CD209: variants seen among roughly 807,000 people sequenced by gnomAD.
The protein encoded by CD209 is CD209 antigen.
In CD209, 31 loss-of-function variants were observed where a neutral mutation model predicts 44.7. The observed-to-expected ratio is 0.69, with a 90% CI of 0.52 to 0.94. CD209 has a LOEUF of 0.94. Ranked by LOEUF, CD209 falls within the 40% of genes least tolerant of loss-of-function variation. The probability of loss-of-function intolerance (pLI) is 0.00; values close to 1 mark genes in which losing one functional copy is unlikely to be tolerated. For synonymous variants in CD209, 173 were observed against 181.3 expected (o/e 0.95, Z 0.37); for missense variants, 407 against 452.4 (o/e 0.90, Z 0.91).
Position 7,741,191 on chromosome 19 carries a change from A to G in CD209, c.*1848T>C, listed in dbSNP as rs11465411. 40,130 of 863,344 alleles carry G rather than the reference A, an allele frequency of 0.046. 1,624 individuals carry two copies. The highest frequency in any genetic ancestry group is 0.16 in the African/African-American group (9,343 of 59,046). 53.5% of individuals were successfully genotyped at this position (863,344 alleles called of 1,614,324 possible). On this transcript the variant is annotated 3_prime_UTR_variant, in exon 7 of 7. Coordinates refer to ENST00000315599, the MANE Select transcript of CD209 (RefSeq NM_021155.4). The stretch of plus-strand genomic sequence containing the variant: ...CCCGAGTTCAAGAACGTGGGGAGAG[A>G]CTGGGCGCGGTGGCTCAGGCCTGTA...
rs1568511246 is a variant in CD209, at chr19:7,744,230, C to CA, written c.901-12dup. 1 of 1,567,522 alleles carries CA rather than the reference C, an allele frequency of 6.4e-7. No individual in the cohort carries two copies. Among genetic ancestry groups the CA allele is most frequent in the South Asian group, 1.1e-5 (1 of 89,984 alleles). ...CAGCTGTAGGAAGTTCTGGAGGGTACAGGAGGAGTCAGGAGGGAGCTCTGC... is the reference window on the plus strand; with the variant it reads ...CAGCTGTAGGAAGTTCTGGAGGGTACAAGGAGGAGTCAGGAGGGAGCTCTGC... On this transcript the variant is annotated splice_polypyrimidine_tract_variant and intron_variant, in intron 5 of 6. Coordinates refer to ENST00000315599, the MANE Select transcript of CD209 (RefSeq NM_021155.4).
In CD209 at chr19:7,745,973, T is replaced by C. The variant is rs760895698; in HGVS notation, c.293A>G (p.Gln98Arg). 1.9e-6 allele frequency: 3 copies of C among 1,614,246 alleles called. No individual in the cohort carries two copies. In the South Asian group the frequency reaches 3.3e-5, roughly 18 times the overall value. The change falls in exon 4 of 7, where the codon CAG becomes CGG. Residue 98 changes from glutamine to arginine, a missense_variant. Gln to Arg is a conservative substitution (Grantham distance 43). This residue lies in a region of CD209 where 122 missense variants were observed against 110.3 expected (regional missense o/e 1.11). Coordinates refer to ENST00000315599, the MANE Select transcript of CD209 (RefSeq NM_021155.4). ...VGELSEKSKL[Q>R]EIYQELTQLK... ...CTGGGTCAGCTCCTGGTAGATCTCC[T>C]GCAGCTTGGATTTCTCTGAGAGCTC...
Position 7,743,148 on chromosome 19 carries a change from C to T in CD209, c.1106G>A (p.Cys369Tyr). Residue 369 changes from cysteine (C) to tyrosine (Y), a missense_variant, in exon 7 of 7, where the codon TGT becomes TAT. Cys to Tyr is a radical substitution (Grantham distance 194). Coordinates refer to ENST00000315599, the MANE Select transcript of CD209 (RefSeq NM_021155.4). Reference protein sequence around the residue: ...FSGNGWNDDKCNLAKFWICKK... With the variant: ...FSGNGWNDDKYNLAKFWICKK... ...GCAGATCCAGAATTTGGCAAGATTA[C>T]ATTTGTCGTCGTTCCAGCCATTGCC... The T allele has an allele frequency of 1.2e-6, 2 of 1,614,174 alleles. No homozygotes were observed. The highest frequency in any genetic ancestry group is 1.7e-6 in the Non-Finnish European group (2 of 1,180,018).
At position 7,746,533 on chromosome 19, in the gene CD209, TGA is replaced by T. The variant is rs762749338; in HGVS notation, c.107-4_107-3del. ...CCAGGGGACCATGGCCAAGACACCCTGAGAGAGGATACATGCGTCAGCCTGCC... is the reference window on the plus strand; with the variant it reads ...CCAGGGGACCATGGCCAAGACACCCTGAGAGGATACATGCGTCAGCCTGCC... On this transcript the variant is annotated splice_polypyrimidine_tract_variant and splice_region_variant and intron_variant, in intron 2 of 6. Transcript: ENST00000315599. 1.2e-6 allele frequency: 2 copies of T among 1,613,436 alleles called. No individual in the cohort carries two copies. Among genetic ancestry groups the T allele is most frequent in the South Asian group, 1.1e-5 (1 of 91,086 alleles).
At chr19:7,747,157 C>A in intron 2 of CD209, 149 bp downstream of exon 2, 1 of 806,388 alleles carries the variant, frequency 1.2e-6, no homozygotes. Context: ...ATTCAGGCCC[C>A]AAACTCAACC....
rs535097059 is a variant in CD209 at position 7,740,989 on chromosome 19, G to C, written c.*2050C>G. Reference sequence around the variant, plus strand: ...CAGTAAAACAGGAGCTTGCAGATTTGGAGATAGATGTTCACATGATTTCCC... The same window carrying C: ...CAGTAAAACAGGAGCTTGCAGATTTCGAGATAGATGTTCACATGATTTCCC... On this transcript the variant is annotated 3_prime_UTR_variant, in exon 7 of 7. Transcript: ENST00000315599. The C allele has an allele frequency of 2.8e-6, 2 of 708,980 alleles. No homozygotes were observed. Among genetic ancestry groups the C allele is most frequent in the South Asian group, 3.1e-5 (2 of 63,496 alleles). 43.9% of individuals were successfully genotyped at this position (708,980 alleles called of 1,614,324 possible).
intron 2 of CD209, 125 bp from the exon 3 acceptor site, chr19:7,746,656 A>G: frequency 1.1e-6 from 1 of 883,948 alleles, no homozygotes; most frequent in South Asian, 1.5e-5. Context: ...CTCCACTCCA[A>G]CACCTGGGAA....
intron 2 of CD209, 119 bp downstream of exon 2, chr19:7,747,187 C>A: frequency 9.6e-7 from 1 of 1,041,112 alleles, no homozygotes; most frequent in South Asian, 1.4e-5. Flanking sequence ...CCCAGGAGTC[C>A]AGGCCCCTAG....
intron 4 of CD209, 24 bp from the exon 5 acceptor site, chr19:7,745,116 C>G (rs770455259): frequency 3.7e-6 from 6 of 1,613,732 alleles, no homozygotes; most frequent in Non-Finnish European, 8.5e-7. Flanking sequence ...CTGGTCAGGG[C>G]TGGGCTTAGA....
In CD209 at chr19:7,741,501, T is replaced by A. The variant is rs1240242246; in HGVS notation, c.*1538A>T. The A allele has an allele frequency of 1.8e-6, 1 of 550,504 alleles. No homozygotes were observed. The highest frequency in any genetic ancestry group is 1.5e-5 in the South Asian group (1 of 65,386). The allele number at this position is 550,504 out of a possible 1,614,324, so 34.1% of individuals were successfully genotyped here. On this transcript the variant is annotated 3_prime_UTR_variant, in exon 7 of 7. Coordinates refer to ENST00000315599, the MANE Select transcript of CD209 (RefSeq NM_021155.4). Reference sequence around the variant, plus strand: ...GCAAGACCCCATCTTTAAAAAAAAATAGTAATTAAAAAATAACGTGGGGAG... The same window carrying A: ...GCAAGACCCCATCTTTAAAAAAAAAAAGTAATTAAAAAATAACGTGGGGAG...
intron 3 of CD209, 109 bp downstream of exon 3, chr19:7,746,351 A>T: frequency 7.9e-7 from 1 of 1,273,500 alleles, no homozygotes; most frequent in South Asian, 1.3e-5. Context: ...CCCAGGGACA[A>T]CATCTTGGCT....
At chr19:7,744,349 C>A in intron 5 of CD209, 130 bp from the exon 6 acceptor site, 1 of 673,946 alleles carries the variant, frequency 1.5e-6, no homozygotes, top group East Asian at 2.7e-5. Context: ...GTCCTGAGCC[C>A]CCTCGTGTCT....
chr19:7,746,606 C>G, intron 2 of CD209, 75 bp from the exon 3 acceptor site: 2 of 1,469,306 alleles, frequency 1.4e-6, no homozygotes, highest in Non-Finnish European at 1.9e-6. Context: ...GGTCTAAATC[C>G]CTCAGCACCC....
chr19:7,746,313 G>A (rs530561741), intron 3 of CD209, 147 bp downstream of exon 3: 5 of 1,058,850 alleles, frequency 4.7e-6, no homozygotes, highest in African/African-American at 1.6e-5. Context: ...AGAGTGGGGA[G>A]GGGCTGTGGG....
At chr19:7,746,170 T>C in intron 3 of CD209, 83 bp from the exon 4 acceptor site, 1 of 1,564,492 alleles carries the variant, frequency 6.4e-7, no homozygotes, top group Non-Finnish European at 8.7e-7. Flanking sequence ...AGGGACATCA[T>C]TTGTGAGAGC....
At position 7,742,365 on chromosome 19, in the gene CD209, G is replaced by A. The variant is rs1269031688; in HGVS notation, c.*674C>T. 6.6e-6 allele frequency: 1 copy of A among 152,602 alleles called. No individual in the cohort carries two copies. Among genetic ancestry groups the A allele is most frequent in the Admixed American group, 6.5e-5 (1 of 15,306 alleles). The allele number at this position is 152,602 out of a possible 1,614,324, so 9.5% of individuals were successfully genotyped here. ...CCAGCTACTCGTGAGGCTGAGGCAG[G>A]AGAATCACTTGAACCCGGGAGGCAG... On this transcript the variant is annotated 3_prime_UTR_variant, in exon 7 of 7. Coordinates refer to ENST00000315599, the MANE Select transcript of CD209 (RefSeq NM_021155.4).
chr19:7,741,364 T>G lies in CD209; in HGVS notation c.*1675A>C. 1 of 373,078 alleles carries G rather than the reference T, an allele frequency of 2.7e-6. No homozygotes were observed. Among genetic ancestry groups the G allele is most frequent in the South Asian group, 3.0e-5 (1 of 33,374 alleles). 23.1% of individuals were successfully genotyped at this position (373,078 alleles called of 1,614,324 possible). On this transcript the variant is annotated 3_prime_UTR_variant, in exon 7 of 7. Transcript: ENST00000315599. The stretch of plus-strand genomic sequence containing the variant: ...GCACGCCCAGCTAATTTTTGTACTT[T>G]TAGTGGAGTCCCAGCTACTCGGGAG...
intron 6 of CD209, 114 bp downstream of exon 6, chr19:7,743,993 T>A: frequency 1.2e-6 from 1 of 843,196 alleles, no homozygotes; most frequent in Admixed American, 2.2e-5. Context: ...CAGTAAAACC[T>A]CCAGATTCTT....
Position 7,742,722 on chromosome 19 carries a change from A to C in CD209, c.*317T>G. The C allele has an allele frequency of 8.3e-6, 3 of 361,872 alleles. No individual in the cohort carries two copies. The highest frequency in any genetic ancestry group is 5.2e-5 in the East Asian group (1 of 19,298). 22.4% of individuals were successfully genotyped at this position (361,872 alleles called of 1,614,324 possible). On this transcript the variant is annotated 3_prime_UTR_variant, in exon 7 of 7. Coordinates refer to ENST00000315599, the MANE Select transcript of CD209 (RefSeq NM_021155.4). ...TTGAACAGATGGTAGGTTTGCATGT[A>C]TAAGATAACGCCCCAGGGGACATAG...
Sources: gnomAD v4.1 joint callset for allele counts on GRCh38, gnomAD v4.1.1 for gene constraint, gnomAD v4.1.1 regional missense constraint, MANE v1.5 for transcripts, NCBI Gene and HGNC (gene_info 2026-07-23, HGNC 2026-07-21) for gene names.